Variants in ANK2 observed in about 807,000 individuals in gnomAD.
The protein encoded by ANK2 is ankyrin-2.
A neutral mutation model predicts 360.5 loss-of-function variants in ANK2; 83 were observed. The observed-to-expected ratio is 0.23, with a 90% confidence interval of 0.19 to 0.28. The LOEUF (loss-of-function observed/expected upper bound fraction) is 0.28. Among genes scored for constraint, ANK2 ranks in the 10% least tolerant of loss-of-function variants. The probability of loss-of-function intolerance (pLI) is 1.00; values close to 1 mark genes in which losing one functional copy is unlikely to be tolerated. For synonymous variants in ANK2, 1,740 were observed against 1,759.5 expected, an observed-to-expected ratio of 0.99 and a Z score of 0.28; for missense variants, 4,201 against 4,795.7, an observed-to-expected ratio of 0.88 and a Z score of 3.66.
At chr4:112,881,710 C>A in intron 1 of ANK2, 1 of 524,766 alleles carries the variant, frequency 1.9e-6, no homozygotes, top group Admixed American at 3.0e-5. Flanking sequence ...GTTTTTTGCC[C>A]ATACACACGA....
chr4:112,986,775 A>G (rs2045019623), intron 2 of ANK2, among the ~76,000 whole-genome samples: 2 of 152,194 alleles, frequency 1.3e-5, no homozygotes, highest in Non-Finnish European at 2.9e-5. Flanking sequence ...CATAATAGGT[A>G]ATGGAGTAGG....
the ANK2 span, among the ~76,000 whole-genome samples, chr4:112,810,149 ATATATATATATTTTTTT>A: frequency 3.5e-3 from 106 of 30,316 alleles, no homozygotes; most frequent in African/African-American, 0.012. Context: ...ATATATATAT[ATATATATATATTTTTTT>A]TTTTTTTTTT....
rs954190693 is a variant in ANK2, at chr4:113,363,578, C to T, written c.10888+109C>T. 27 of 1,177,826 alleles carry T rather than the reference C, an allele frequency of 2.3e-5. No individual in the cohort carries two copies. In the Admixed American group the frequency reaches 4.3e-4, roughly 19 times the overall value. 73.0% of individuals were successfully genotyped at this position (1,177,826 alleles called of 1,614,324 possible). ...TAAAGAAGCAAATGCCATTAATCTG[C>T]AGTACAGTGGGTCCTTGAGTAATAT... On this transcript the variant is annotated intron_variant, in intron 40 of 45. Transcript: ENST00000357077.
the ANK2 span, among the ~76,000 whole-genome samples, chr4:112,804,559 G>T: frequency 6.6e-6 from 1 of 152,198 alleles, no homozygotes; most frequent in Non-Finnish European, 1.5e-5. Flanking sequence ...GAGGGAGCTT[G>T]TTATAGAATG....
At chr4:113,140,977 TA>T (rs112473521) in intron 1 of ANK2, among the ~76,000 whole-genome samples, 626 of 143,340 alleles carry the variant, frequency 4.4e-3, no homozygotes, top group African/African-American at 8.2e-3. Flanking sequence ...AAACTCCGTT[TA>T]AAAAAAAAAA....
At chr4:113,164,902 TAAAG>T (rs1419660888) in intron 1 of ANK2, among the ~76,000 whole-genome samples, 1 of 152,206 alleles carries the variant, frequency 6.6e-6, no homozygotes, top group African/African-American at 2.4e-5. Context: ...GAATATTTCT[TAAAG>T]AAAGAATTAA....
chr4:113,042,912 T>C (rs2063329128), intron 2 of ANK2, among the ~76,000 whole-genome samples: 1 of 152,174 alleles, frequency 6.6e-6, no homozygotes, highest in Admixed American at 6.6e-5. Flanking sequence ...TGTTTTATGC[T>C]TCTGTAATAC....
chr4:113,313,537 A>G (rs2081192330), intron 24 of ANK2: 2 of 152,584 alleles, frequency 1.3e-5, no homozygotes, highest in Non-Finnish European at 1.5e-5. Context: ...TGTATTCACC[A>G]TTTCCAAAAT....
rs375394549 is a variant in ANK2, at chr4:113,355,794, T to C, written c.7176T>C (p.Asp2392=). ...LPLPEASVKT[D]TGTESKPQGV... ...TGCCTGAGGCTTCTGTAAAGACAGA[T>C]ACAGGAACTGAATCAAAACCTCAGG... Residue 2392 remains aspartate (D), a synonymous_variant, in exon 38 of 46, where the codon GAT becomes GAC. Coordinates refer to ENST00000357077, the MANE Select transcript of ANK2 (RefSeq NM_001148.6). 2 of 1,613,912 alleles carry C rather than the reference T, an allele frequency of 1.2e-6. No homozygotes were observed. Among genetic ancestry groups the C allele is most frequent in the Non-Finnish European group, 1.7e-6 (2 of 1,179,964 alleles).
rs763711118 is a variant in ANK2 at position 113,365,053 on chromosome 4, G to C, written c.10903G>C (p.Glu3635Gln). The C allele has an allele frequency of 2.3e-5, 37 of 1,613,714 alleles. No individual in the cohort carries two copies. The South Asian group carries it at 3.7e-4, about 16-fold the overall frequency. Residue 3635 changes from glutamate (E) to glutamine (Q), a missense_variant, in exon 41 of 46, where the codon GAA (glutamate) becomes CAA (glutamine). Glu to Gln is a conservative substitution (Grantham distance 29, BLOSUM62 2). Coordinates refer to ENST00000357077, the MANE Select transcript of ANK2 (RefSeq NM_001148.6). Reference protein sequence around the residue: ...GKHATDTNLVECLTKINRMDI... With the variant: ...GKHATDTNLVQCLTKINRMDI... The stretch of plus-strand genomic sequence containing the variant: ...TAATGTGTCAGATACCAACCTCGTT[G>C]AATGTCTCACCAAGATCAACCGAAT...
At chr4:113,074,980 T>C (rs1465265605) in intron 1 of ANK2, among the ~76,000 whole-genome samples, 2 of 152,240 alleles carry the variant, frequency 1.3e-5, no homozygotes, top group Non-Finnish European at 2.9e-5. Context: ...TGCACTTTAG[T>C]ATCTTGCTAT....
the ANK2 span, among the ~76,000 whole-genome samples, chr4:112,759,447 A>G: frequency 6.6e-6 from 1 of 152,186 alleles, no homozygotes; most frequent in African/African-American, 2.4e-5. Flanking sequence ...GCTGGGCCCA[A>G]ATCTTTCTAA....
intron 2 of ANK2, among the ~76,000 whole-genome samples, chr4:112,989,181 G>A (rs1164527646): frequency 2.6e-5 from 4 of 152,156 alleles, no homozygotes; most frequent in Non-Finnish European, 4.4e-5. Flanking sequence ...GAGACACAAA[G>A]AGGTTATTGG....
In ANK2 at chr4:113,006,005, G is replaced by A. The variant is rs144803866; in HGVS notation, c.21+101491G>A. Among the ~76,000 whole-genome samples, 79 of 152,222 alleles carry A rather than the reference G, an allele frequency of 5.2e-4. 1 individual carries two copies. In the East Asian group the frequency reaches 0.014, roughly 26 times the overall value. On this transcript the variant is annotated intron_variant, in intron 2 of 30. Coordinates refer to the ANK2 transcript ENST00000503271. ...AGCAGATGCCAGCACCATGCCTTGC[G>A]TACAGCCTGCAGAACAACTGTGAGC...
At chr4:113,305,320 AC>A (rs1370824358) in intron 23 of ANK2, among the ~76,000 whole-genome samples, 1 of 128,254 alleles carries the variant, frequency 7.8e-6, no homozygotes, top group African/African-American at 3.1e-5. Context: ...AGCCTGGGCG[AC>A]AGAGCGAGAC....
At chr4:113,038,160 G>A (rs1339158553) in intron 2 of ANK2, among the ~76,000 whole-genome samples, 1 of 151,846 alleles carries the variant, frequency 6.6e-6, no homozygotes, top group Admixed American at 6.6e-5. Flanking sequence ...AAGAGGAGGG[G>A]CCAAGGAGAG....
rs1178600130 is a variant in ANK2, at chr4:113,311,263, A to G, written c.2557A>G (p.Thr853Ala). The G allele has an allele frequency of 2.5e-6, 4 of 1,614,182 alleles. No individual in the cohort carries two copies. Among genetic ancestry groups the G allele is most frequent in the Non-Finnish European group, 3.4e-6 (4 of 1,180,032 alleles). Reference protein sequence around the residue: ...LDVSDEEGDDTMTGDGGEYLR... With the variant: ...LDVSDEEGDDAMTGDGGEYLR... ...CCTCTGATTGTTTCAAGGTGATGACACAATGACTGGTGATGGGGGAGAATA... is the reference window on the plus strand; with the variant it reads ...CCTCTGATTGTTTCAAGGTGATGACGCAATGACTGGTGATGGGGGAGAATA... Residue 853 changes from threonine to alanine, a missense_variant, in exon 24 of 46, where the codon ACA (threonine) becomes GCA (alanine). Physicochemically the swap from Thr to Ala is moderately conservative, Grantham distance 58 (BLOSUM62 0). Transcript: ENST00000357077.
chr4:112,927,122 A>G (rs2092659153), intron 2 of ANK2, among the ~76,000 whole-genome samples: 1 of 152,150 alleles, frequency 6.6e-6, no homozygotes, highest in Non-Finnish European at 1.5e-5. Flanking sequence ...TGATTCAAAT[A>G]TCTCCACCTG....
chr4:112,971,115 G>A (rs529695780), intron 2 of ANK2, among the ~76,000 whole-genome samples: 1 of 152,086 alleles, frequency 6.6e-6, no homozygotes, highest in East Asian at 1.9e-4. Flanking sequence ...AAATGAACAC[G>A]TCACAAATTT....
Sources: gnomAD v4.1 joint callset for allele counts (sites outside exome capture counted in the v4.1 genomes callset) on GRCh38, gnomAD v4.1.1 for gene constraint, MANE v1.5 for transcripts, NCBI Gene and HGNC (gene_info 2026-07-23, HGNC 2026-07-21) for gene names.